Variants in LMX1A observed in about 807,000 individuals in gnomAD.
The protein encoded by LMX1A is LIM homeobox transcription factor 1-alpha.
LMX1A carries 15 observed loss-of-function variants against 49.1 expected under a neutral mutation model. That is an observed-to-expected ratio of 0.31 (90% confidence interval 0.20 to 0.47). LMX1A has a LOEUF of 0.47. Among genes scored for constraint, LMX1A ranks in the 20% least tolerant of loss-of-function variants. The pLI is 1.00. For missense variants in LMX1A, 372 were observed against 475.8 expected (o/e 0.78, Z 2.03); for synonymous variants, 167 against 185.7 (o/e 0.90, Z 0.82).
Position 165,206,015 on chromosome 1 carries a change from C to A in LMX1A, c.837G>T (p.Gly279=). 2 of 1,573,246 alleles carry A rather than the reference C, an allele frequency of 1.3e-6. No homozygotes were observed. Among genetic ancestry groups the A allele is most frequent in the South Asian group, 1.2e-5 (1 of 84,884 alleles). Residue 279 remains glycine (G), a synonymous_variant, in exon 8 of 9, where the codon GGG becomes GGT. Transcript: ENST00000342310. The part of the protein sequence containing the change: ...RLSSAQTNGG[G]SAGMEGIMNP... ...TCATGATTCCTTCCATCCCAGCACTCCCACCACCGTTTGTCTGAGCTGTGG... is the reference window on the plus strand; with the variant it reads ...TCATGATTCCTTCCATCCCAGCACTACCACCACCGTTTGTCTGAGCTGTGG...
intron 3 of LMX1A, among the ~76,000 whole-genome samples, chr1:165,261,127 T>A (rs182176295): frequency 6.6e-6 from 1 of 152,198 alleles, no homozygotes; most frequent in African/African-American, 2.4e-5. Context: ...GCAGCCTCTT[T>A]ATCACAGAAC....
At chr1:165,221,156 G>T (rs1318459431) in intron 4 of LMX1A, among the ~76,000 whole-genome samples, 1 of 152,020 alleles carries the variant, frequency 6.6e-6, no homozygotes, top group African/African-American at 2.4e-5. Context: ...CTACCTGCTT[G>T]ATTTGCCTCA....
At chr1:165,213,977 G>C (rs1028981304) in intron 4 of LMX1A, among the ~76,000 whole-genome samples, 164 bp from the exon 5 acceptor site, 12 of 152,190 alleles carry the variant, frequency 7.9e-5, no homozygotes, top group African/African-American at 2.9e-4. Flanking sequence ...AAGAGGCTAA[G>C]AAAAATACTT....
At position 165,249,450 on chromosome 1, in the gene LMX1A, G is replaced by C. The variant is rs559035208; in HGVS notation, c.454C>G (p.Arg152Gly). The change falls in exon 4 of 9, where the codon CGG becomes GGG. Residue 152 changes from arginine to glycine, a missense_variant. Physicochemically the swap from Arg to Gly is moderately radical, Grantham distance 125. Coordinates refer to ENST00000342310, the MANE Select transcript of LMX1A (RefSeq NM_177398.4). Reference sequence around the variant, plus strand: ...GGGCTCACCAGGCTGAGCAGCTCCCGCTCCTTCTCATAGTCCCCTTTGCAG... The same window carrying C: ...GGGCTCACCAGGCTGAGCAGCTCCCCCTCCTTCTCATAGTCCCCTTTGCAG... ...LLCKGDYEKE[R>G]ELLSLVSPAA... 1 of 1,614,054 alleles carries C rather than the reference G, an allele frequency of 6.2e-7. No homozygotes were observed. Among genetic ancestry groups the C allele is most frequent in the Non-Finnish European group, 8.5e-7 (1 of 1,179,976 alleles).
At chr1:165,314,343 G>T (rs1655160061) in intron 3 of LMX1A, among the ~76,000 whole-genome samples, 1 of 152,156 alleles carries the variant, frequency 6.6e-6, no homozygotes, top group Non-Finnish European at 1.5e-5. Flanking sequence ...TTCAAAAAGG[G>T]CTAAAGCAAC....
Position 165,208,049 on chromosome 1 carries a change from AG to A in LMX1A, c.817+13del, listed in dbSNP as rs1255065938. 1 of 1,612,408 alleles carries A rather than the reference AG, an allele frequency of 6.2e-7. No individual in the cohort carries two copies. The highest frequency in any genetic ancestry group is 8.5e-7 in the Non-Finnish European group (1 of 1,179,212). ...ATTCCAGCCAGAACTGCCTGGGAGG[AG>A]GCACCAGCTTACCAGAGCTCAGCCT... On this transcript the variant is annotated intron_variant, in intron 7 of 8. Transcript: ENST00000342310.
intron 3 of LMX1A, among the ~76,000 whole-genome samples, chr1:165,255,845 T>C (rs1233519819): frequency 6.6e-6 from 1 of 152,040 alleles, no homozygotes; most frequent in East Asian, 1.9e-4. Context: ...TAGTGGTGCA[T>C]GTCTGTAATC....
rs190888877 is a variant in LMX1A, at chr1:165,239,044, T to G, written c.496+10364A>C. 2.2e-3 allele frequency among the ~76,000 whole-genome samples: 337 copies of G among 150,398 alleles called. 2 individuals carry two copies. Among genetic ancestry groups the G allele is most frequent in the Admixed American group, 6.0e-3 (90 of 14,954 alleles). ...TGCAGAGTAAAAGCTCAATAATTGT[T>G]GACATCATTATCATCATCATCATGA... On this transcript the variant is annotated intron_variant, in intron 4 of 8. Coordinates refer to ENST00000342310, the MANE Select transcript of LMX1A (RefSeq NM_177398.4).
chr1:165,284,500 C>A (rs114673747), intron 3 of LMX1A, among the ~76,000 whole-genome samples: 2,570 of 152,298 alleles, frequency 0.017, 43 homozygotes, highest in Middle Eastern at 0.024. Flanking sequence ...AGTGAATGAG[C>A]AGGCAGGCTG....
At chr1:165,279,844 G>A (rs1313013175) in intron 3 of LMX1A, among the ~76,000 whole-genome samples, 2 of 152,146 alleles carry the variant, frequency 1.3e-5, no homozygotes, top group Non-Finnish European at 1.5e-5. Flanking sequence ...GAGGGCTTGA[G>A]AGAGTCGTTT....
chr1:165,233,058 C>T (rs1652290815), intron 4 of LMX1A, among the ~76,000 whole-genome samples: 1 of 152,210 alleles, frequency 6.6e-6, no homozygotes, highest in South Asian at 2.1e-4. Context: ...CAACCCCCAC[C>T]ATAAACACTT....
At chr1:165,235,351 A>G (rs1652392257) in intron 4 of LMX1A, among the ~76,000 whole-genome samples, 1 of 152,168 alleles carries the variant, frequency 6.6e-6, no homozygotes, top group Admixed American at 6.5e-5. Flanking sequence ...CTCGGTCTCC[A>G]AAAAATCCAG....
At position 165,205,868 on chromosome 1, in the gene LMX1A, A is replaced by G; in HGVS notation, c.984T>C (p.Pro328=). Reference sequence around the variant, plus strand: ...AGGGGCTTAAGTCCCTCTTACCATAAGGGTGCATGTGGTCTCCAGGCATCT... The same window carrying G: ...AGGGGCTTAAGTCCCTCTTACCATAGGGGTGCATGTGGTCTCCAGGCATCT... ...PPQMPGDHMH[P]YGAEPLFHDL... Residue 328 remains proline (P), a synonymous_variant, in exon 8 of 9, where the codon CCT becomes CCC. Coordinates refer to ENST00000342310, the MANE Select transcript of LMX1A (RefSeq NM_177398.4). 1.2e-6 allele frequency: 2 copies of G among 1,613,844 alleles called. No homozygotes were observed. Among genetic ancestry groups the G allele is most frequent in the Non-Finnish European group, 1.7e-6 (2 of 1,179,902 alleles).
intron 3 of LMX1A, among the ~76,000 whole-genome samples, chr1:165,256,025 A>G (rs1025467650): frequency 1.3e-5 from 2 of 152,078 alleles, no homozygotes; most frequent in African/African-American, 4.8e-5. Context: ...CTTCCTCCGC[A>G]GCATGAGCGT....
intron 3 of LMX1A, among the ~76,000 whole-genome samples, chr1:165,276,299 G>A (rs377002118): frequency 6.6e-6 from 1 of 152,168 alleles, no homozygotes; most frequent in African/African-American, 2.4e-5. Context: ...GTCTGATACT[G>A]AGAGCCTGCT....
chr1:165,223,485 T>C (rs1000972156), intron 4 of LMX1A, among the ~76,000 whole-genome samples: 7 of 152,114 alleles, frequency 4.6e-5, no homozygotes, highest in Non-Finnish European at 1.0e-4. Flanking sequence ...CTACCTCTAG[T>C]AGGAGAAGAT....
intron 3 of LMX1A, among the ~76,000 whole-genome samples, chr1:165,348,680 G>C (rs1402230552): frequency 6.6e-6 from 1 of 152,036 alleles, no homozygotes; most frequent in Non-Finnish European, 1.5e-5. Context: ...GCCCAATTTT[G>C]ATCTCCAAGT....
rs928897934 is a variant in LMX1A, at chr1:165,278,529, GT to G, written c.264-28890del. Among the ~76,000 whole-genome samples, 452 of 151,712 alleles carry G rather than the reference GT, an allele frequency of 3.0e-3. 4 individuals are homozygous for G. The highest frequency in any genetic ancestry group is 9.9e-3 in the African/African-American group (411 of 41,400). On this transcript the variant is annotated intron_variant, in intron 3 of 8. Coordinates refer to ENST00000342310, the MANE Select transcript of LMX1A (RefSeq NM_177398.4). ...AAACACTGGATTTTTGCTGCCACAA[GT>G]TTTTTTTTCCTTCCTGCCTGCTGCA...
chr1:165,289,716 T>C (rs548471739), intron 3 of LMX1A, among the ~76,000 whole-genome samples: 2 of 152,344 alleles, frequency 1.3e-5, no homozygotes, highest in East Asian at 3.9e-4. Flanking sequence ...TGCTCCAAGA[T>C]AGCTAATTTT....
Sources: allele counts gnomAD v4.1 joint callset (sites outside exome capture counted in the v4.1 genomes callset), GRCh38; gene constraint gnomAD v4.1.1; transcripts MANE v1.5; gene names NCBI Gene and HGNC (gene_info 2026-07-23, HGNC 2026-07-21).